DAB1: variants seen among roughly 807,000 people sequenced by gnomAD.
DAB1 encodes DAB adaptor protein 1.
A neutral mutation model predicts 64.6 loss-of-function variants in DAB1; 15 were observed. The observed-to-expected ratio is 0.23, with a 90% CI of 0.16 to 0.36. The LOEUF (loss-of-function observed/expected upper bound fraction) is 0.36. DAB1 is among the 10% of genes least tolerant of loss of function. DAB1 has a pLI of 1.00. For missense variants in DAB1, 596 were observed against 706.7 expected (o/e 0.84, Z 1.78); for synonymous variants, 235 against 251.9 (o/e 0.93, Z 0.64).
At chr1:58,274,609 C>A (rs111479311) in intron 4 of DAB1, among the ~76,000 whole-genome samples, 15 of 151,604 alleles carry the variant, frequency 9.9e-5, no homozygotes, top group African/African-American at 3.6e-4. Flanking sequence ...CCCAGCCTCG[C>A]TGCCGCCTTG....
At chr1:57,931,920 T>G (rs2102037759) in intron 5 of DAB1, among the ~76,000 whole-genome samples, 1 of 152,260 alleles carries the variant, frequency 6.6e-6, no homozygotes, top group East Asian at 1.9e-4. Context: ...CCTTTTCTGT[T>G]TCCCTAAAGT....
intron 1 of DAB1, among the ~76,000 whole-genome samples, chr1:57,382,902 G>A (rs1681498278): frequency 6.6e-6 from 1 of 152,074 alleles, no homozygotes; most frequent in Non-Finnish European, 1.5e-5. Context: ...TCTACCACAG[G>A]AATGCATTCT....
chr1:57,238,082 A>G (rs1668224932), intron 2 of DAB1, among the ~76,000 whole-genome samples: 1 of 152,118 alleles, frequency 6.6e-6, no homozygotes. Context: ...TAGGAACCAA[A>G]AGGGGTTTTA....
intron 3 of DAB1, among the ~76,000 whole-genome samples, chr1:58,453,902 C>T (rs1645164697): frequency 6.6e-6 from 1 of 152,142 alleles, no homozygotes; most frequent in African/African-American, 2.4e-5. Context: ...TGCCCAGCCT[C>T]TCCTTTTCCC....
chr1:57,947,264 T>A (rs968257521), intron 5 of DAB1, among the ~76,000 whole-genome samples: 2 of 152,090 alleles, frequency 1.3e-5, no homozygotes, highest in Admixed American at 6.6e-5. Context: ...TTCTCAGAGA[T>A]GACAGCCCTG....
intron 4 of DAB1, among the ~76,000 whole-genome samples, chr1:57,112,181 C>T (rs1570713928): frequency 1.3e-5 from 2 of 152,158 alleles, no homozygotes; most frequent in East Asian, 1.9e-4. Flanking sequence ...TCCTTTATGT[C>T]TGTCTAGAAG....
At chr1:57,719,521 G>A (rs1031116408) in intron 6 of DAB1, among the ~76,000 whole-genome samples, 2 of 152,230 alleles carry the variant, frequency 1.3e-5, no homozygotes, top group East Asian at 1.9e-4. Flanking sequence ...GGAGGGACCT[G>A]GTGGGAGGTG....
intron 3 of DAB1, among the ~76,000 whole-genome samples, chr1:58,364,052 G>A (rs963551329): frequency 6.6e-6 from 1 of 152,236 alleles, no homozygotes; most frequent in Non-Finnish European, 1.5e-5. Context: ...GGCAGACTGA[G>A]TGATGTCTGA....
intron 1 of DAB1, among the ~76,000 whole-genome samples, chr1:57,832,799 G>T (rs997635691): frequency 6.6e-5 from 10 of 152,056 alleles, no homozygotes; most frequent in African/African-American, 2.4e-4. Context: ...GAAGTGGATT[G>T]TTTATGTTTC....
At chr1:57,459,123 T>C (rs1686697112) in intron 7 of DAB1, among the ~76,000 whole-genome samples, 1 of 152,174 alleles carries the variant, frequency 6.6e-6, no homozygotes. Flanking sequence ...TATTTTACAT[T>C]GTGTTCTCTT....
At position 58,002,692 on chromosome 1, in the gene DAB1, C is replaced by CAG. The variant is rs567860014; in HGVS notation, n.388-118532_388-118531dup. On this transcript the variant is annotated intron_variant and non_coding_transcript_variant, in intron 5 of 20. Coordinates refer to the DAB1 transcript ENST00000485760. ...GTATATATATATATAGAGAGAGAGA[C>CAG]AGAGAGAGAGAGAAGAATCCACAAC... Among the ~76,000 whole-genome samples the CAG allele has an allele frequency of 1.6e-4, 24 of 151,442 alleles. No homozygotes were observed. The South Asian group carries it at 4.4e-3, about 28-fold the overall frequency.
intron 1 of DAB1, chr1:57,878,604 C>T (rs908184888): frequency 3.3e-5 from 5 of 152,120 alleles, no homozygotes; most frequent in African/African-American, 1.2e-4. Flanking sequence ...GATATTTTGA[C>T]ACATGTATAC....
chr1:57,452,482 T>G (rs1686423633), intron 7 of DAB1, among the ~76,000 whole-genome samples: 1 of 152,050 alleles, frequency 6.6e-6, no homozygotes, highest in South Asian at 2.1e-4. Flanking sequence ...CTTAGAAAGA[T>G]GAAATAACTT....
intron 7 of DAB1, among the ~76,000 whole-genome samples, chr1:57,571,216 T>G (rs902160958): frequency 6.6e-6 from 1 of 152,198 alleles, no homozygotes; most frequent in Non-Finnish European, 1.5e-5. Context: ...ATCTGGTTGC[T>G]CTGGCTAGGA....
chr1:58,002,027 T>C (rs1646514171), intron 5 of DAB1, among the ~76,000 whole-genome samples: 1 of 152,166 alleles, frequency 6.6e-6, no homozygotes, highest in Non-Finnish European at 1.5e-5. Flanking sequence ...CAAGAACAGA[T>C]TCTCCTCCAA....
intron 5 of DAB1, among the ~76,000 whole-genome samples, chr1:58,145,779 C>A (rs113867864): frequency 6.6e-6 from 1 of 152,196 alleles, no homozygotes; most frequent in Admixed American, 6.5e-5. Flanking sequence ...CACGGACATG[C>A]GCTTCACTGA....
At chr1:58,308,831 TCTAC>T (rs1304203900) in intron 4 of DAB1, among the ~76,000 whole-genome samples, 1 of 152,168 alleles carries the variant, frequency 6.6e-6, no homozygotes, top group African/African-American at 2.4e-5. Context: ...TGGACAAAGA[TCTAC>T]TTCCTGCAGT....
intron 7 of DAB1, among the ~76,000 whole-genome samples, chr1:57,549,816 T>A (rs1644894305): frequency 6.6e-6 from 1 of 152,156 alleles, no homozygotes; most frequent in Non-Finnish European, 1.5e-5. Context: ...AAGAGAGAAT[T>A]TATGAAGCAG....
chr1:58,003,088 A>T (rs749273183), intron 5 of DAB1, among the ~76,000 whole-genome samples: 7 of 152,152 alleles, frequency 4.6e-5, no homozygotes, highest in Non-Finnish European at 1.0e-4. Context: ...TGGAAAAATC[A>T]CTTAAGTTCT....
Sources: gnomAD v4.1 joint callset for allele counts (sites outside exome capture counted in the v4.1 genomes callset) on GRCh38, gnomAD v4.1.1 for gene constraint, MANE v1.5 for transcripts, NCBI Gene and HGNC (gene_info 2026-07-23, HGNC 2026-07-21) for gene names.